RHOBTB2: variants seen among roughly 807,000 people sequenced by gnomAD.
RHOBTB2 encodes Rho related BTB domain containing 2.
RHOBTB2 carries 39 observed loss-of-function variants against 66.5 expected under a neutral mutation model. The observed-to-expected ratio is 0.59, with a 90% CI of 0.45 to 0.77. The LOEUF is 0.77. Ranked by LOEUF, RHOBTB2 falls within the 30% of genes least tolerant of loss-of-function variation. The pLI is 0.00. For synonymous variants in RHOBTB2, 390 were observed against 395.0 expected, an observed-to-expected ratio of 0.99 and a Z score of 0.15; for missense variants, 755 against 999.1, an observed-to-expected ratio of 0.76 and a Z score of 3.29.
At chr8:22,955,052 A>G in the RHOBTB2 span, among the ~76,000 whole-genome samples, 1 of 152,124 alleles carries the variant, frequency 6.6e-6, no homozygotes, top group African/African-American at 2.4e-5. Flanking sequence ...AATTGCTTGA[A>G]CCAGGGAGGC....
At chr8:22,974,158 G>C in the RHOBTB2 span, among the ~76,000 whole-genome samples, 1 of 152,158 alleles carries the variant, frequency 6.6e-6, no homozygotes, top group Non-Finnish European at 1.5e-5. Flanking sequence ...GTCTAGGGTG[G>C]GGGTATGGAG....
At chr8:23,013,213 C>T (rs939305094) in intron 7 of RHOBTB2, among the ~76,000 whole-genome samples, 1 of 151,960 alleles carries the variant, frequency 6.6e-6, no homozygotes, top group Non-Finnish European at 1.5e-5. Context: ...TGATTACAGG[C>T]GTGGGCCACC....
chr8:22,961,075 G>T, the RHOBTB2 span, among the ~76,000 whole-genome samples: 1 of 152,090 alleles, frequency 6.6e-6, no homozygotes, highest in African/African-American at 2.4e-5. Context: ...TTTTAAATTA[G>T]TTTTTTGTAG....
rs1346834884 is a variant in RHOBTB2, at chr8:23,014,704, A to T, written c.1786A>T (p.Thr596Ser). 2.5e-6 allele frequency: 4 copies of T among 1,613,950 alleles called. No homozygotes were observed. Among genetic ancestry groups the T allele is most frequent in the Non-Finnish European group, 3.4e-6 (4 of 1,179,962 alleles). ...LVALTEQYTV[T>S]GLMEATQMMV... ...GTGTGTTACAGAGCAGTACACAGTG[A>T]CCGGGCTGATGGAAGCGACCCAGAT... Residue 596 changes from threonine (T) to serine (S), a missense_variant, in exon 8 of 10, where the codon ACC becomes TCC. By Grantham distance (58) the Thr-to-Ser change is moderately conservative. Transcript: ENST00000251822.
At chr8:22,978,766 T>A in the RHOBTB2 span, among the ~76,000 whole-genome samples, 1 of 152,120 alleles carries the variant, frequency 6.6e-6, no homozygotes, top group African/African-American at 2.4e-5. Context: ...TACGAGTAAA[T>A]ATCTGATAAA....
At chr8:22,964,463 A>G in the RHOBTB2 span, among the ~76,000 whole-genome samples, 1 of 152,154 alleles carries the variant, frequency 6.6e-6, no homozygotes, top group Non-Finnish European at 1.5e-5. Context: ...AAAAAATAAG[A>G]CCATTTATTG....
intron 2 of RHOBTB2, among the ~76,000 whole-genome samples, chr8:22,994,318 T>C (rs1201666198): frequency 1.3e-5 from 2 of 152,224 alleles, no homozygotes; most frequent in African/African-American, 2.4e-5. Flanking sequence ...AGGCACATGA[T>C]GCACCAGGAC....
intron 1 of RHOBTB2, among the ~76,000 whole-genome samples, chr8:22,990,515 C>T (rs1320477300): frequency 2.6e-5 from 4 of 152,174 alleles, no homozygotes; most frequent in Admixed American, 2.0e-4. Flanking sequence ...GAGGTGGCAG[C>T]GCGTCAGTCC....
chr8:22,973,123 A>C, the RHOBTB2 span, among the ~76,000 whole-genome samples: 1 of 152,142 alleles, frequency 6.6e-6, no homozygotes, highest in Non-Finnish European at 1.5e-5. Context: ...CCTGCCCCCA[A>C]GACAGTGCCC....
chr8:23,006,288 C>T lies in RHOBTB2; in HGVS notation c.482+143C>T, dbSNP rs1810948207. 9.3e-6 allele frequency: 6 copies of T among 645,590 alleles called. No individual in the cohort carries two copies. In the South Asian group the frequency reaches 1.1e-4, roughly 12 times the overall value. 40.0% of individuals were successfully genotyped at this position (645,590 alleles called of 1,614,324 possible). On this transcript the variant is annotated intron_variant, in intron 4 of 9. Transcript: ENST00000251822. The surrounding 1 kb of genome is among the most constrained non-coding windows in gnomAD (Gnocchi z 6.1). ...TGCATTGGGAGTCAACAAGCATGCT[C>T]ATTCATTCATTCATTCATATACCTG...
In RHOBTB2 at chr8:22,999,593, CT is replaced by C; in HGVS notation, c.-516del. On this transcript the variant is annotated 5_prime_UTR_variant, in exon 1 of 10. Coordinates refer to ENST00000251822, the MANE Select transcript of RHOBTB2 (RefSeq NM_015178.3). ...TCTTGGGTGCGATTTTTTTCTCCTC[CT>C]TTTTTTACCCTCCCGTTTTTTTCTT... 1.1e-5 allele frequency: 14 copies of C among 1,227,400 alleles called. No individual in the cohort carries two copies. The Admixed American group carries it at 1.2e-4, about 11-fold the overall frequency. The allele number at this position is 1,227,400 out of a possible 1,614,324, so 76.0% of individuals were successfully genotyped here.
the RHOBTB2 span, among the ~76,000 whole-genome samples, chr8:22,972,963 A>T: frequency 6.6e-6 from 1 of 151,914 alleles, no homozygotes; most frequent in Non-Finnish European, 1.5e-5. Flanking sequence ...CATGCTCTCC[A>T]CCAGGCCCCT....
At chr8:23,008,979 G>A (rs1811054727) in intron 6 of RHOBTB2, among the ~76,000 whole-genome samples, 2 of 152,038 alleles carry the variant, frequency 1.3e-5, no homozygotes, top group South Asian at 4.1e-4. Context: ...CAGCCCTGAG[G>A]GAGGCAGTCC....
chr8:22,965,810 C>T, the RHOBTB2 span, among the ~76,000 whole-genome samples: 1 of 152,286 alleles, frequency 6.6e-6, no homozygotes, highest in South Asian at 2.1e-4. Flanking sequence ...AGAGCTAGAA[C>T]TATAAAGCTC....
At chr8:22,965,935 T>G in the RHOBTB2 span, among the ~76,000 whole-genome samples, 7 of 151,936 alleles carry the variant, frequency 4.6e-5, no homozygotes, top group Non-Finnish European at 8.8e-5. Flanking sequence ...TCCATGAAAA[T>G]TAGAAACTTC....
chr8:22,988,334 G>C (rs1047245240), intron 1 of RHOBTB2, among the ~76,000 whole-genome samples: 1 of 151,486 alleles, frequency 6.6e-6, no homozygotes, highest in Non-Finnish European at 1.5e-5. Flanking sequence ...TAATTTTTTT[G>C]TTTTTTTAAT....
chr8:23,014,485 C>CTA (rs1433566647), intron 7 of RHOBTB2, among the ~76,000 whole-genome samples: 3 of 152,208 alleles, frequency 2.0e-5, no homozygotes, highest in Admixed American at 2.0e-4. Flanking sequence ...CCTTCTCTTC[C>CTA]TACCCTACCC....
At chr8:23,007,832 C>T in intron 5 of RHOBTB2, 86 bp downstream of exon 5, 1 of 1,539,146 alleles carries the variant, frequency 6.5e-7, no homozygotes, top group East Asian at 2.2e-5. Flanking sequence ...TGTCCTGGAG[C>T]TGCGGCTGCC....
intron 1 of RHOBTB2, among the ~76,000 whole-genome samples, chr8:22,989,650 A>G (rs1263189701): frequency 1.3e-5 from 2 of 152,218 alleles, no homozygotes; most frequent in African/African-American, 2.4e-5. Context: ...CAGGCAAGCA[A>G]GAGGAAACTG....
Sources: allele counts gnomAD v4.1 joint callset (sites outside exome capture counted in the v4.1 genomes callset), GRCh38; gene constraint gnomAD v4.1.1; non-coding constraint Gnocchi (gnomAD v3.1); transcripts MANE v1.5; gene names NCBI Gene and HGNC (gene_info 2026-07-23, HGNC 2026-07-21).